PVT1: variants seen among roughly 807,000 people sequenced by gnomAD.
PVT1 encodes CXCR4/PVT1 fusion.
At chr8:128,058,499 T>C (rs79148925) in intron 4 of PVT1, among the ~76,000 whole-genome samples, 1 of 152,174 alleles carries the variant, frequency 6.6e-6, no homozygotes, top group African/African-American at 2.4e-5. Context: ...TCATGTGTAC[T>C]TCTACTACAT....
chr8:127,897,923 GAAAGGAAAGAAAGAAAGA>G (rs1306347978), intron 3 of PVT1, among the ~76,000 whole-genome samples: 2 of 147,882 alleles, frequency 1.4e-5, no homozygotes, highest in African/African-American at 5.0e-5. Context: ...CAGGAAGGAA[GAAAGGAAAGAAAGAAAGA>G]AAAGGGAAGG....
chr8:127,994,005 T>TC (rs1372675531), intron 4 of PVT1, among the ~76,000 whole-genome samples: 2 of 152,010 alleles, frequency 1.3e-5, no homozygotes, highest in Non-Finnish European at 2.9e-5. Flanking sequence ...TTGCTTGAGA[T>TC]CCCCCCTGCT....
chr8:128,023,492 A>G (rs1455888617), intron 4 of PVT1, among the ~76,000 whole-genome samples: 1 of 152,178 alleles, frequency 6.6e-6, no homozygotes, highest in Non-Finnish European at 1.5e-5. Context: ...CTCAGTAATA[A>G]CTATTACTAT....
chr8:128,017,351 C>T (rs775318630), intron 4 of PVT1, among the ~76,000 whole-genome samples: 2 of 152,168 alleles, frequency 1.3e-5, no homozygotes, highest in African/African-American at 4.8e-5. Context: ...GGGAAGATTC[C>T]TGCAACAGCA....
At chr8:127,975,298 C>A (rs879056868) in intron 3 of PVT1, among the ~76,000 whole-genome samples, 1 of 152,204 alleles carries the variant, frequency 6.6e-6, no homozygotes, top group East Asian at 1.9e-4. Context: ...AGTTTCACCA[C>A]AACCTCATCA....
At chr8:127,970,946 A>G (rs1268681426) in intron 3 of PVT1, among the ~76,000 whole-genome samples, 1 of 152,216 alleles carries the variant, frequency 6.6e-6, no homozygotes, top group Non-Finnish European at 1.5e-5. Flanking sequence ...CTGACAGGCT[A>G]TCAGTTTTTG....
At chr8:127,938,331 CAGAG>C (rs1340636575) in intron 3 of PVT1, among the ~76,000 whole-genome samples, 2 of 152,154 alleles carry the variant, frequency 1.3e-5, no homozygotes, top group East Asian at 1.9e-4. Flanking sequence ...CATCCTGAGA[CAGAG>C]AGACCCCAAA....
chr8:127,910,260 C>A (rs1262358796), intron 3 of PVT1, among the ~76,000 whole-genome samples: 3 of 151,900 alleles, frequency 2.0e-5, no homozygotes, highest in Non-Finnish European at 4.4e-5. Context: ...CAGTTGTGTG[C>A]GAAAGGTACA....
At chr8:128,020,868 C>G (rs140116137) in intron 4 of PVT1, among the ~76,000 whole-genome samples, 2 of 152,344 alleles carry the variant, frequency 1.3e-5, no homozygotes, top group African/African-American at 4.8e-5. Context: ...AGGGGACCTT[C>G]AAGTCCCAGT....
At chr8:128,098,297 A>C (rs1814454284) in intron 6 of PVT1, among the ~76,000 whole-genome samples, 1 of 152,134 alleles carries the variant, frequency 6.6e-6, no homozygotes, top group African/African-American at 2.4e-5. Flanking sequence ...AGGCTTCAGA[A>C]ATCTCGGGAG....
intron 2 of PVT1, among the ~76,000 whole-genome samples, chr8:127,799,746 A>G (rs1252629123): frequency 3.9e-5 from 6 of 152,246 alleles, no homozygotes; most frequent in Non-Finnish European, 8.8e-5. Flanking sequence ...ATAAGTGAGC[A>G]CACAGTAAAA....
At chr8:127,879,861 C>T (rs542659615) in intron 2 of PVT1, among the ~76,000 whole-genome samples, 15 of 152,222 alleles carry the variant, frequency 9.9e-5, no homozygotes, top group South Asian at 4.1e-4. Context: ...GGCATTGTGC[C>T]CAGCGCACCC....
intron 2 of PVT1, among the ~76,000 whole-genome samples, chr8:127,817,528 A>AATATATAT (rs36101639): frequency 0.012 from 834 of 68,626 alleles, 27 homozygotes; most frequent in African/African-American, 0.04. Context: ...TATCTATTTA[A>AATATATAT]ATATATATAT....
intron 3 of PVT1, among the ~76,000 whole-genome samples, chr8:127,933,286 G>T (rs930506964): frequency 1.3e-5 from 2 of 152,160 alleles, no homozygotes; most frequent in African/African-American, 4.8e-5. Flanking sequence ...TGTTGGTCAG[G>T]CTGGTCTCGA....
intron 3 of PVT1, among the ~76,000 whole-genome samples, chr8:127,985,780 G>A (rs776212246): frequency 6.6e-6 from 1 of 152,144 alleles, no homozygotes; most frequent in Non-Finnish European, 1.5e-5. Context: ...GCTCTTGCAG[G>A]TACCATAGTC....
intron 3 of PVT1, among the ~76,000 whole-genome samples, chr8:127,979,961 C>G (rs898836145): frequency 9.2e-5 from 14 of 152,174 alleles, no homozygotes; most frequent in Non-Finnish European, 2.1e-4. Context: ...CCCACTACAG[C>G]CTTGATCTCC....
rs5894901 is a variant in PVT1 at position 127,826,994 on chromosome 8, C to CTTTTTTT, written n.372+30935_372+30941dup. ...TTTCTTTTTCTTTCTTTCTTTTTCT[C>CTTTTTTT]TTTTTTTTTTTTTTTTTTGAGATGG... On this transcript the variant is annotated intron_variant and non_coding_transcript_variant, in intron 2 of 10. Coordinates refer to ENST00000651587, the Ensembl canonical transcript of PVT1. Among the ~76,000 whole-genome samples, 25 of 113,930 alleles carry CTTTTTTT rather than the reference C, an allele frequency of 2.2e-4. 1 individual carries two copies. Among genetic ancestry groups the CTTTTTTT allele is most frequent in the Admixed American group, 6.3e-4 (6 of 9,568 alleles). 74.7% of individuals were successfully genotyped at this position (113,930 alleles called of 152,430 possible).
chr8:128,047,088 G>A (rs1179071985), intron 4 of PVT1, among the ~76,000 whole-genome samples: 2 of 152,192 alleles, frequency 1.3e-5, no homozygotes, highest in East Asian at 1.9e-4. Context: ...TCTGTTGGAC[G>A]ACTGATGCCT....
chr8:127,967,456 G>T (rs1023866593), intron 3 of PVT1, among the ~76,000 whole-genome samples: 4 of 152,198 alleles, frequency 2.6e-5, no homozygotes, highest in African/African-American at 4.8e-5. Context: ...AAGAAAAACG[G>T]CAGAGGCTAG....
Sources: allele counts gnomAD v4.1 joint callset (sites outside exome capture counted in the v4.1 genomes callset), GRCh38; gene constraint gnomAD v4.1.1; transcripts MANE v1.5; gene names NCBI Gene and HGNC (gene_info 2026-07-23, HGNC 2026-07-21).